CTNNA2: variants seen among roughly 807,000 people sequenced by gnomAD.
CTNNA2 encodes catenin alpha 2, also known as catenin alpha-2.
A neutral mutation model predicts 101.0 loss-of-function variants in CTNNA2; 42 were observed. That is an observed-to-expected ratio of 0.42 (90% confidence interval 0.32 to 0.54). The LOEUF (loss-of-function observed/expected upper bound fraction) is 0.54, where lower values mean the gene tolerates loss of function less well. Ranked by LOEUF, CTNNA2 falls within the 20% of genes least tolerant of loss-of-function variation. The probability of loss-of-function intolerance (pLI) is 0.14; values close to 1 mark genes in which losing one functional copy is unlikely to be tolerated. For synonymous variants in CTNNA2, 450 were observed against 456.4 expected, an observed-to-expected ratio of 0.99 and a Z score of 0.18; for missense variants, 871 against 1,223.1, an observed-to-expected ratio of 0.71 and a Z score of 4.29.
chr2:79,494,464 T>C (rs1671235103), intron 4 of CTNNA2, among the ~76,000 whole-genome samples: 1 of 152,158 alleles, frequency 6.6e-6, no homozygotes, highest in Non-Finnish European at 1.5e-5. Context: ...AAAATAGACA[T>C]GTAGATCTAT....
intron 3 of CTNNA2, among the ~76,000 whole-genome samples, chr2:79,786,279 AAT>A (rs140531231): frequency 0.11 from 17,042 of 151,624 alleles, 1,063 homozygotes; most frequent in Admixed American, 0.16. Context: ...AGGTGGAAAG[AAT>A]AATTTAATTA....
At chr2:79,567,526 T>C (rs1416709286) in intron 1 of CTNNA2, among the ~76,000 whole-genome samples, 1 of 152,248 alleles carries the variant, frequency 6.6e-6, no homozygotes, top group East Asian at 1.9e-4. Context: ...TTTTCTTTCA[T>C]ATTTCTGCCC....
At chr2:80,615,837 G>A (rs548067341) in intron 17 of CTNNA2, among the ~76,000 whole-genome samples, 1 of 151,508 alleles carries the variant, frequency 6.6e-6, no homozygotes, top group Admixed American at 6.6e-5. Context: ...GAAAGTTTCC[G>A]GATGGGCAAT....
intron 9 of CTNNA2, among the ~76,000 whole-genome samples, chr2:80,464,623 A>C (rs936822495): frequency 6.6e-6 from 1 of 152,166 alleles, no homozygotes; most frequent in Admixed American, 6.6e-5. Flanking sequence ...TCACTTTGTC[A>C]TTAAGTTTTT....
At chr2:79,388,793 T>TA (rs1297521041) in intron 4 of CTNNA2, among the ~76,000 whole-genome samples, 3 of 152,052 alleles carry the variant, frequency 2.0e-5, no homozygotes, top group African/African-American at 7.3e-5. Context: ...CTTTTTTTTT[T>TA]AATTTTTTTA....
At chr2:80,315,738 C>T (rs571735693) in intron 7 of CTNNA2, among the ~76,000 whole-genome samples, 51 of 152,248 alleles carry the variant, frequency 3.3e-4, no homozygotes, top group African/African-American at 1.1e-3. Flanking sequence ...CTTGATGGGA[C>T]GGGAAGAATT....
intron 7 of CTNNA2, among the ~76,000 whole-genome samples, chr2:80,130,509 TGA>T (rs1702355551): frequency 6.6e-6 from 1 of 152,100 alleles, no homozygotes; most frequent in Non-Finnish European, 1.5e-5. Flanking sequence ...TGTATATCAG[TGA>T]GAGAAAATGT....
chr2:80,358,105 A>G (rs1164456733), intron 7 of CTNNA2, among the ~76,000 whole-genome samples: 3 of 152,150 alleles, frequency 2.0e-5, no homozygotes, highest in African/African-American at 7.2e-5. Context: ...CCTTAGTTTT[A>G]TCACCCAGAA....
intron 18 of CTNNA2, among the ~76,000 whole-genome samples, chr2:80,642,382 G>A (rs150363776): frequency 1.3e-5 from 2 of 152,098 alleles, no homozygotes; most frequent in African/African-American, 4.8e-5. Flanking sequence ...TTTAGTTTGT[G>A]TCTATTTTTC....
At chr2:79,670,125 G>A (rs1682728031) in intron 2 of CTNNA2, among the ~76,000 whole-genome samples, 1 of 152,166 alleles carries the variant, frequency 6.6e-6, no homozygotes, top group Admixed American at 6.5e-5. Context: ...GTGCCTGGGA[G>A]GGCAGCCACA....
At chr2:79,893,996 CTTCTTCT>C (rs1684494098) in intron 6 of CTNNA2, among the ~76,000 whole-genome samples, 1 of 52,078 alleles carries the variant, frequency 1.9e-5, no homozygotes, top group African/African-American at 5.3e-5. Flanking sequence ...CTGTTTTCTT[CTTCTTCT>C]TCTTCTTCTT....
intron 18 of CTNNA2, among the ~76,000 whole-genome samples, chr2:80,639,188 G>T (rs1051806959): frequency 6.6e-6 from 1 of 152,150 alleles, no homozygotes; most frequent in Non-Finnish European, 1.5e-5. Flanking sequence ...ATCAGTATGT[G>T]TTGTAATATT....
chr2:80,252,861 G>A (rs76873192), intron 7 of CTNNA2, among the ~76,000 whole-genome samples: 8,250 of 152,158 alleles, frequency 0.054, 433 homozygotes, highest in South Asian at 0.29. Flanking sequence ...AGGGTGAGTG[G>A]GAGTGGTAAG....
At chr2:80,552,729 C>T (rs1320628792) in intron 11 of CTNNA2, among the ~76,000 whole-genome samples, 6 of 152,136 alleles carry the variant, frequency 3.9e-5, no homozygotes, top group African/African-American at 9.7e-5. Context: ...CAGCACGTTA[C>T]TGTACTGAAT....
chr2:80,508,593 C>G (rs1688460494), intron 9 of CTNNA2, among the ~76,000 whole-genome samples: 1 of 151,444 alleles, frequency 6.6e-6, no homozygotes, highest in Non-Finnish European at 1.5e-5. Context: ...TATATTTTAT[C>G]TCTGGATCAA....
intron 4 of CTNNA2, among the ~76,000 whole-genome samples, chr2:79,444,459 A>T (rs563163014): frequency 9.2e-5 from 14 of 152,246 alleles, no homozygotes; most frequent in Non-Finnish European, 1.6e-4. Context: ...CATAATAGGC[A>T]GCAGACACAA....
intron 18 of CTNNA2, among the ~76,000 whole-genome samples, chr2:80,647,378 C>G (rs1674223475): frequency 6.7e-6 from 1 of 150,112 alleles, no homozygotes; most frequent in Middle Eastern, 3.5e-3. Flanking sequence ...CTTTTGTTAC[C>G]TTGGAATTCC....
At position 79,874,144 on chromosome 2, in the gene CTNNA2, A is replaced by G. The variant is rs776027310; in HGVS notation, c.654A>G (p.Thr218=). 8 of 1,614,202 alleles carry G rather than the reference A, an allele frequency of 5.0e-6. No individual in the cohort carries two copies. The East Asian group carries it at 1.6e-4, about 31-fold the overall frequency. ...AARGALKKNA[T]MLYTASQAFL... is the part of the protein sequence containing the mutation. ...GAGGGGCTCTGAAGAAGAATGCCACAATGCTGTACACGGCCTCTCAAGCAT... is the reference window on the plus strand; with the variant it reads ...GAGGGGCTCTGAAGAAGAATGCCACGATGCTGTACACGGCCTCTCAAGCAT... The change falls in exon 6 of 19, where the codon ACA becomes ACG. Residue 218 remains threonine, a synonymous_variant. Transcript: ENST00000402739.
At chr2:80,309,867 C>T (rs1677381913) in intron 7 of CTNNA2, among the ~76,000 whole-genome samples, 1 of 129,740 alleles carries the variant, frequency 7.7e-6, no homozygotes, top group Non-Finnish European at 1.6e-5. Flanking sequence ...GCTACCACAT[C>T]TCAAAAAAAA....
Sources: allele counts gnomAD v4.1 joint callset (sites outside exome capture counted in the v4.1 genomes callset), GRCh38; gene constraint gnomAD v4.1.1; transcripts MANE v1.5; gene names NCBI Gene and HGNC (gene_info 2026-07-23, HGNC 2026-07-21).